Variants in IL1RAPL2 observed in about 807,000 individuals in gnomAD.
IL1RAPL2 encodes the protein interleukin 1 receptor accessory protein like 2.
IL1RAPL2 carries 3 observed loss-of-function variants against 44.1 expected under a neutral mutation model. The observed-to-expected ratio is 0.07, with a 90% CI of 0.03 to 0.18. The LOEUF is 0.18. IL1RAPL2 is among the 10% of genes least tolerant of loss of function. The pLI is 1.00. For synonymous variants in IL1RAPL2, 181 were observed against 178.8 expected, an observed-to-expected ratio of 1.01 and a Z score of -0.10; for missense variants, 391 against 496.4, an observed-to-expected ratio of 0.79 and a Z score of 2.02.
At chrX:104,595,303 C>T (rs1928743318) in intron 1 of IL1RAPL2, among the ~76,000 whole-genome samples, 1 of 111,236 alleles carries the variant, frequency 9.0e-6, no homozygotes, top group African/African-American at 3.3e-5. Context: ...GAGCTAGTAG[C>T]TGGCTGGAGG....
intron 2 of IL1RAPL2, among the ~76,000 whole-genome samples, chrX:104,929,696 T>C (rs1398678092): frequency 8.9e-6 from 1 of 111,852 alleles, no homozygotes; most frequent in Admixed American, 9.5e-5. Context: ...ACACCTGACA[T>C]CTTCATTAAT....
Position 104,892,916 on chromosome X carries a change from TC to T in IL1RAPL2, c.82+233922del, listed in dbSNP as rs1298011693. 4.4e-5 allele frequency among the ~76,000 whole-genome samples: 5 copies of T among 112,486 alleles called. 1 individual carries two copies. Among genetic ancestry groups the T allele is most frequent in the Non-Finnish European group, 9.4e-5 (5 of 53,346 alleles). The stretch of plus-strand genomic sequence containing the variant: ...TCAATTTTAGATCTTTTCTGCTTTC[TC>T]TTGTGGGCATTTAGTGCTATAAATT... On this transcript the variant is annotated intron_variant, in intron 2 of 10. Coordinates refer to ENST00000372582, the MANE Select transcript of IL1RAPL2 (RefSeq NM_017416.2).
chrX:105,405,961 T>C, intron 5 of IL1RAPL2: 1 of 1,188,750 alleles, frequency 8.4e-7, no homozygotes, highest in Middle Eastern at 3.1e-4. Flanking sequence ...GAATCATTTA[T>C]TGATCCTCAG....
At chrX:105,301,686 T>C (rs1056390505) in intron 5 of IL1RAPL2, among the ~76,000 whole-genome samples, 2 of 112,070 alleles carry the variant, frequency 1.8e-5, no homozygotes, top group African/African-American at 6.5e-5. Flanking sequence ...ATCCATGTTG[T>C]TGCAATTGAC....
chrX:105,471,628 A>C (rs1365411606), intron 5 of IL1RAPL2, among the ~76,000 whole-genome samples: 1 of 108,384 alleles, frequency 9.2e-6, no homozygotes, highest in African/African-American at 3.4e-5. Context: ...GATATATGCT[A>C]GTGAGCACTG....
intron 2 of IL1RAPL2, among the ~76,000 whole-genome samples, chrX:104,855,163 G>A (rs1370665693): frequency 9.0e-6 from 1 of 111,721 alleles, no homozygotes; most frequent in African/African-American, 3.3e-5. Context: ...CCTCTGCCCT[G>A]GACTATATAG....
chrX:105,129,245 T>C (rs1023435197), intron 2 of IL1RAPL2, among the ~76,000 whole-genome samples: 1 of 110,380 alleles, frequency 9.1e-6, no homozygotes, highest in African/African-American at 3.3e-5. Context: ...GAGGGCTTGC[T>C]CTCAGCCTCA....
Position 105,482,936 on chromosome X carries a change from G to A in IL1RAPL2, c.698-1377G>A, listed in dbSNP as rs192828854. ...GAATTCAGGATATAAACAATAGTTT[G>A]ATATAAGTAAGGGTTGTTTTATGAC... On this transcript the variant is annotated intron_variant, in intron 5 of 10. Coordinates refer to ENST00000372582, the MANE Select transcript of IL1RAPL2 (RefSeq NM_017416.2). 3.5e-3 allele frequency among the ~76,000 whole-genome samples: 385 copies of A among 109,681 alleles called. 1 individual carries two copies. Among genetic ancestry groups the A allele is most frequent in the Non-Finnish European group, 3.7e-3 (195 of 52,601 alleles).
At chrX:105,440,531 T>C (rs1212179387) in intron 5 of IL1RAPL2, among the ~76,000 whole-genome samples, 1 of 111,874 alleles carries the variant, frequency 8.9e-6, no homozygotes, top group Non-Finnish European at 1.9e-5. Context: ...GAAATAACTT[T>C]GGAGTTTTGA....
chrX:104,892,678 T>G (rs1160600392), intron 2 of IL1RAPL2, among the ~76,000 whole-genome samples: 1 of 111,848 alleles, frequency 8.9e-6, no homozygotes, highest in Admixed American at 9.5e-5. Context: ...CTGATTCTTC[T>G]CCCTTTTCTT....
intron 5 of IL1RAPL2, among the ~76,000 whole-genome samples, chrX:105,303,606 G>C (rs1026957092): frequency 8.9e-6 from 1 of 112,154 alleles, no homozygotes; most frequent in Non-Finnish European, 1.9e-5. Context: ...GTTACTCCCA[G>C]TCAGGCCTGC....
intron 7 of IL1RAPL2, among the ~76,000 whole-genome samples, chrX:105,721,444 G>A (rs1417637813): frequency 9.0e-6 from 1 of 111,245 alleles, no homozygotes; most frequent in Non-Finnish European, 1.9e-5. Context: ...TTAATACATT[G>A]TTATTAACTA....
At chrX:105,568,872 A>G (rs2036994261) in intron 6 of IL1RAPL2, among the ~76,000 whole-genome samples, 1 of 111,896 alleles carries the variant, frequency 8.9e-6, no homozygotes, top group Non-Finnish European at 1.9e-5. Context: ...ACCTTTCTTG[A>G]ATGCACAAAA....
chrX:104,594,050 T>TC (rs1454972978), intron 1 of IL1RAPL2, among the ~76,000 whole-genome samples: 1 of 111,964 alleles, frequency 8.9e-6, no homozygotes, highest in African/African-American at 3.2e-5. Context: ...TTGCCTGCCT[T>TC]CCCCCCAACA....
chrX:105,443,000 C>G (rs2035931314), intron 5 of IL1RAPL2, among the ~76,000 whole-genome samples: 1 of 111,609 alleles, frequency 9.0e-6, no homozygotes, highest in African/African-American at 3.3e-5. Flanking sequence ...TGCTTGAATC[C>G]AGGAGGCAGA....
intron 3 of IL1RAPL2, among the ~76,000 whole-genome samples, chrX:105,212,015 T>A (rs1339129164): frequency 1.8e-5 from 2 of 111,628 alleles, no homozygotes; most frequent in Non-Finnish European, 3.8e-5. Flanking sequence ...GAGCCCTGGG[T>A]TTCAAGCACA....
chrX:105,224,694 G>T (rs1286790903), intron 3 of IL1RAPL2, among the ~76,000 whole-genome samples: 5 of 111,976 alleles, frequency 4.5e-5, no homozygotes, highest in African/African-American at 1.6e-4. Flanking sequence ...AAACCTTTGT[G>T]AATTCTATGA....
intron 2 of IL1RAPL2, among the ~76,000 whole-genome samples, chrX:104,842,396 C>T (rs766598825): frequency 9.0e-6 from 1 of 110,949 alleles, no homozygotes; most frequent in East Asian, 2.9e-4. Context: ...TCTGTCAATT[C>T]GTCAATCTCA....
intron 5 of IL1RAPL2, among the ~76,000 whole-genome samples, chrX:105,303,005 C>T (rs1309421514): frequency 1.8e-5 from 2 of 111,531 alleles, no homozygotes; most frequent in African/African-American, 6.5e-5. Flanking sequence ...ATATTGCTTT[C>T]TGCCGTGACA....
Sources: gnomAD v4.1 joint callset for allele counts (sites outside exome capture counted in the v4.1 genomes callset) on GRCh38, gnomAD v4.1.1 for gene constraint, MANE v1.5 for transcripts, NCBI Gene and HGNC (gene_info 2026-07-23, HGNC 2026-07-21) for gene names.